Variants in AGBL1 observed in about 807,000 individuals in gnomAD.
AGBL1 encodes AGBL carboxypeptidase 1.
A neutral mutation model predicts 118.9 loss-of-function variants in AGBL1; 130 were observed. That is an observed-to-expected ratio of 1.09 (90% CI 0.95 to 1.26). The LOEUF is 1.26. Among genes scored for constraint, AGBL1 ranks in the 50% most tolerant of loss-of-function variants. The pLI is 0.00. For synonymous variants in AGBL1, 555 were observed against 478.9 expected (o/e 1.16, Z -2.08); for missense variants, 1,584 against 1,298.1 (o/e 1.22, Z -3.38).
At chr15:86,819,270 G>A (rs1440387994) in intron 22 of AGBL1, among the ~76,000 whole-genome samples, 1 of 152,040 alleles carries the variant, frequency 6.6e-6, no homozygotes, top group Non-Finnish European at 1.5e-5. Flanking sequence ...CTAATAGTAG[G>A]AGCAGTAATA....
intron 16 of AGBL1, among the ~76,000 whole-genome samples, chr15:86,288,530 A>G (rs2079491362): frequency 2.0e-5 from 3 of 151,940 alleles, no homozygotes; most frequent in Non-Finnish European, 4.4e-5. Context: ...TGTTTCGAAA[A>G]CCATTTTTAT....
At chr15:86,403,243 A>G (rs534245884) in intron 18 of AGBL1, among the ~76,000 whole-genome samples, 3 of 152,178 alleles carry the variant, frequency 2.0e-5, no homozygotes, top group African/African-American at 7.2e-5. Context: ...ATTTTTATAA[A>G]GTCAACACAC....
chr15:86,590,790 G>A (rs1287145474), intron 21 of AGBL1, among the ~76,000 whole-genome samples: 1 of 152,198 alleles, frequency 6.6e-6, no homozygotes, highest in Non-Finnish European at 1.5e-5. Context: ...TCCCAGGAAA[G>A]ACAGCTTTGC....
intron 21 of AGBL1, among the ~76,000 whole-genome samples, chr15:86,580,504 T>TGC (rs931229283): frequency 2.4e-5 from 3 of 124,948 alleles, no homozygotes; most frequent in Non-Finnish European, 5.9e-5. Flanking sequence ...CTTTGTTACA[T>TGC]GCATATTTTT....
chr15:86,938,186 A>T (rs571410226), intron 23 of AGBL1, among the ~76,000 whole-genome samples: 1 of 152,166 alleles, frequency 6.6e-6, no homozygotes, highest in Admixed American at 6.5e-5. Flanking sequence ...CTTGCTGCCC[A>T]TGGAAGTCTG....
intron 18 of AGBL1, among the ~76,000 whole-genome samples, chr15:86,471,922 T>A (rs2082484566): frequency 6.6e-6 from 1 of 152,172 alleles, no homozygotes. Context: ...AAAATGAGAT[T>A]ACCCTAGTTT....
At chr15:86,851,936 A>AT (rs1211061982) in intron 22 of AGBL1, among the ~76,000 whole-genome samples, 1 of 151,962 alleles carries the variant, frequency 6.6e-6, no homozygotes, top group African/African-American at 2.4e-5. Flanking sequence ...TTTATTTTTT[A>AT]TTTTTTATTG....
At chr15:86,200,555 C>CA (rs1257808153) in intron 5 of AGBL1, among the ~76,000 whole-genome samples, 3 of 141,198 alleles carry the variant, frequency 2.1e-5, no homozygotes, top group Non-Finnish European at 4.7e-5. Flanking sequence ...CCCCTACCCC[C>CA]CCCCCCCTTT....
intron 22 of AGBL1, among the ~76,000 whole-genome samples, chr15:86,837,954 T>C (rs1452719723): frequency 6.6e-6 from 1 of 152,222 alleles, no homozygotes; most frequent in Non-Finnish European, 1.5e-5. Flanking sequence ...CAATCCGGAA[T>C]GTAGGGAACA....
At chr15:86,164,516 T>C (rs2077310430) in intron 5 of AGBL1, among the ~76,000 whole-genome samples, 1 of 152,192 alleles carries the variant, frequency 6.6e-6, no homozygotes, top group African/African-American at 2.4e-5. Context: ...TGTGCCGTCA[T>C]TCCCAGGATG....
At chr15:86,688,630 A>T (rs1289875388) in intron 22 of AGBL1, among the ~76,000 whole-genome samples, 1 of 152,154 alleles carries the variant, frequency 6.6e-6, no homozygotes, top group African/African-American at 2.4e-5. Context: ...AATGAATCAA[A>T]CATTACTCAA....
At chr15:86,797,750 G>A (rs1046579050) in intron 22 of AGBL1, among the ~76,000 whole-genome samples, 19 of 152,168 alleles carry the variant, frequency 1.2e-4, no homozygotes, top group African/African-American at 4.6e-4. Flanking sequence ...CAGGGGTGGT[G>A]GGGAGGTGAT....
At chr15:86,430,413 T>G (rs1392764406) in intron 18 of AGBL1, among the ~76,000 whole-genome samples, 1 of 149,852 alleles carries the variant, frequency 6.7e-6, no homozygotes, top group African/African-American at 2.5e-5. Context: ...TAGAATGGCG[T>G]GAACCCAGGA....
chr15:86,920,082 C>T (rs958661532), downstream of AGBL1, among the ~76,000 whole-genome samples: 2 of 152,170 alleles, frequency 1.3e-5, no homozygotes, highest in African/African-American at 4.8e-5. Context: ...AGGGAACCTC[C>T]GTGGGTTCTC....
chr15:86,629,079 C>T (rs1168177031), intron 21 of AGBL1, among the ~76,000 whole-genome samples: 1 of 152,100 alleles, frequency 6.6e-6, no homozygotes, highest in Non-Finnish European at 1.5e-5. Context: ...TACATTAGGT[C>T]TCCAGAATTT....
intron 3 of AGBL1, among the ~76,000 whole-genome samples, chr15:86,146,591 T>C (rs2077036653): frequency 6.6e-6 from 1 of 152,190 alleles, no homozygotes; most frequent in Non-Finnish European, 1.5e-5. Flanking sequence ...ATACAGGTTT[T>C]ATAGGAGAAA....
chr15:86,210,049 G>A (rs189511889), intron 5 of AGBL1, among the ~76,000 whole-genome samples: 2 of 152,222 alleles, frequency 1.3e-5, no homozygotes, highest in East Asian at 3.9e-4. Flanking sequence ...GTCTGTAAAG[G>A]ATTTTATTTC....
At chr15:86,383,224 G>A (rs554394604) in intron 17 of AGBL1, among the ~76,000 whole-genome samples, 1 of 116,786 alleles carries the variant, frequency 8.6e-6, no homozygotes, top group East Asian at 2.9e-4. Flanking sequence ...ATGCTGCACT[G>A]AAGAGAGTAA....
At chr15:86,690,827 A>G (rs576379356) in intron 22 of AGBL1, among the ~76,000 whole-genome samples, 14 of 152,230 alleles carry the variant, frequency 9.2e-5, no homozygotes, top group Admixed American at 1.3e-4. Context: ...CTGAATTGTT[A>G]GTCTCTTGAA....
Sources: gnomAD v4.1 joint callset for allele counts (sites outside exome capture counted in the v4.1 genomes callset) on GRCh38, gnomAD v4.1.1 for gene constraint, MANE v1.5 for transcripts, NCBI Gene and HGNC (gene_info 2026-07-23, HGNC 2026-07-21) for gene names.